GRM7: variants seen among roughly 807,000 people sequenced by gnomAD.
GRM7 encodes the protein metabotropic glutamate receptor 7.
GRM7 carries 35 observed loss-of-function variants against 84.5 expected under a neutral mutation model. That is an observed-to-expected ratio of 0.41 (90% confidence interval 0.32 to 0.55). GRM7 has a LOEUF of 0.55. GRM7 is among the 20% of genes least tolerant of loss of function. The probability of loss-of-function intolerance (pLI) is 0.19; values close to 1 mark genes in which losing one functional copy is unlikely to be tolerated. For synonymous variants in GRM7, 487 were observed against 455.1 expected, an observed-to-expected ratio of 1.07 and a Z score of -0.89; for missense variants, 1,003 against 1,194.6, an observed-to-expected ratio of 0.84 and a Z score of 2.36.
At chr3:7,347,111 C>G (rs1357190565) in intron 4 of GRM7, among the ~76,000 whole-genome samples, 3 of 152,136 alleles carry the variant, frequency 2.0e-5, no homozygotes, top group Admixed American at 2.0e-4. Context: ...ACTTTTCAAT[C>G]AATCCAGGTC....
At chr3:6,998,569 ACTGCC>A (rs1295538074) in intron 1 of GRM7, among the ~76,000 whole-genome samples, 6 of 152,250 alleles carry the variant, frequency 3.9e-5, no homozygotes, top group Non-Finnish European at 8.8e-5. Context: ...TCCCTTCTGC[ACTGCC>A]CTAGCATAAG....
At chr3:7,465,559 T>C (rs553796108) in intron 7 of GRM7, among the ~76,000 whole-genome samples, 2 of 152,274 alleles carry the variant, frequency 1.3e-5, no homozygotes, top group South Asian at 4.2e-4. Flanking sequence ...TGAAGTTCCT[T>C]TTGCTGTAAT....
chr3:7,458,052 A>G (rs1358005262), intron 6 of GRM7, among the ~76,000 whole-genome samples: 1 of 152,216 alleles, frequency 6.6e-6, no homozygotes, highest in Non-Finnish European at 1.5e-5. Flanking sequence ...GAATCTGTGC[A>G]TGGCGTGGTA....
At chr3:7,137,810 G>T (rs1395980318) in intron 1 of GRM7, among the ~76,000 whole-genome samples, 11 of 151,966 alleles carry the variant, frequency 7.2e-5, no homozygotes, top group African/African-American at 2.7e-4. Context: ...TCATTAAGAA[G>T]GAGTGTGAAT....
chr3:7,503,509 A>C (rs1434099540), intron 7 of GRM7, among the ~76,000 whole-genome samples: 1 of 152,042 alleles, frequency 6.6e-6, no homozygotes, highest in East Asian at 1.9e-4. Context: ...CATACCCACT[A>C]TTTGGCACTT....
At chr3:7,208,002 C>T (rs887191445) in intron 2 of GRM7, among the ~76,000 whole-genome samples, 2 of 152,156 alleles carry the variant, frequency 1.3e-5, no homozygotes, top group South Asian at 2.1e-4. Flanking sequence ...GATTCCAGGC[C>T]TTCTATATTT....
intron 5 of GRM7, among the ~76,000 whole-genome samples, chr3:7,429,575 A>G (rs774817212): frequency 6.6e-6 from 1 of 152,032 alleles, no homozygotes; most frequent in Non-Finnish European, 1.5e-5. Context: ...GTGTCATTTG[A>G]TCCTCCCTAC....
chr3:7,368,862 G>T (rs1694017486), intron 4 of GRM7, among the ~76,000 whole-genome samples: 1 of 149,500 alleles, frequency 6.7e-6, no homozygotes, highest in Admixed American at 6.7e-5. Context: ...ACATAATAGT[G>T]GCCTGTTACA....
rs1409553639 is a variant in GRM7, at chr3:7,740,721, G to C, written c.*315G>C. The C allele has an allele frequency of 3.9e-6, 1 of 254,604 alleles. No homozygotes were observed. Among genetic ancestry groups the C allele is most frequent in the African/African-American group, 2.2e-5 (1 of 44,998 alleles). The allele number at this position is 254,604 out of a possible 1,614,324, so 15.8% of individuals were successfully genotyped here. On this transcript the variant is annotated 3_prime_UTR_variant, in exon 10 of 10. Transcript: ENST00000357716. ...ATGGACCACTGAGAGCCACAGGACC[G>C]TTTTGGGGCTGACCTGTCTTATTAC...
At chr3:7,729,919 G>A (rs1702253360) in intron 9 of GRM7, among the ~76,000 whole-genome samples, 1 of 125,142 alleles carries the variant, frequency 8.0e-6, no homozygotes, top group Admixed American at 1.1e-4. Flanking sequence ...CTGTCGCCCA[G>A]GCTGGAGTAC....
At chr3:6,950,497 G>T (rs1021417610) in intron 1 of GRM7, among the ~76,000 whole-genome samples, 1 of 152,234 alleles carries the variant, frequency 6.6e-6, no homozygotes, top group Non-Finnish European at 1.5e-5. Context: ...AGGCTGCTGG[G>T]GGGTCAGGGA....
At chr3:7,658,563 C>T (rs1180261315) in intron 8 of GRM7, among the ~76,000 whole-genome samples, 1 of 152,122 alleles carries the variant, frequency 6.6e-6, no homozygotes, top group Non-Finnish European at 1.5e-5. Context: ...GACTCACAGT[C>T]AATTTTTAGA....
At chr3:7,115,167 T>C (rs763282964) in intron 1 of GRM7, among the ~76,000 whole-genome samples, 3 of 152,178 alleles carry the variant, frequency 2.0e-5, no homozygotes, top group Non-Finnish European at 4.4e-5. Flanking sequence ...GGGTAAGAGA[T>C]GACTTAAATC....
chr3:7,128,132 T>C (rs1483207306), intron 1 of GRM7, among the ~76,000 whole-genome samples: 5 of 151,638 alleles, frequency 3.3e-5, no homozygotes, highest in African/African-American at 9.7e-5. Flanking sequence ...TGTGGGTCCC[T>C]TTACTTTAAA....
At chr3:7,401,553 T>G (rs558685511) in intron 4 of GRM7, among the ~76,000 whole-genome samples, 1 of 152,286 alleles carries the variant, frequency 6.6e-6, no homozygotes, top group South Asian at 2.1e-4. Context: ...TGGCGGCAGA[T>G]TGAAGTTATA....
At chr3:7,191,972 T>C (rs760117414) in intron 2 of GRM7, among the ~76,000 whole-genome samples, 3 of 152,186 alleles carry the variant, frequency 2.0e-5, no homozygotes, top group Non-Finnish European at 2.9e-5. Flanking sequence ...TCAGTATTCT[T>C]AAACTTTACT....
chr3:6,947,846 G>T (rs1442717482), intron 1 of GRM7, among the ~76,000 whole-genome samples: 4 of 152,164 alleles, frequency 2.6e-5, no homozygotes, highest in Admixed American at 6.5e-5. Flanking sequence ...TTGTGTAGAG[G>T]TGTTTATAGT....
chr3:7,474,130 T>G (rs2124927724), intron 7 of GRM7, among the ~76,000 whole-genome samples: 1 of 152,282 alleles, frequency 6.6e-6, no homozygotes, highest in Admixed American at 6.5e-5. Context: ...TATCTGTCTT[T>G]TGTACTATAA....
intron 1 of GRM7, among the ~76,000 whole-genome samples, chr3:6,968,473 G>A (rs1010999059): frequency 2.6e-4 from 40 of 152,284 alleles, no homozygotes; most frequent in African/African-American, 9.1e-4. Context: ...GTTACTATAT[G>A]CATCTGGAAA....
Sources: allele counts gnomAD v4.1 joint callset (sites outside exome capture counted in the v4.1 genomes callset), GRCh38; gene constraint gnomAD v4.1.1; transcripts MANE v1.5; gene names NCBI Gene and HGNC (gene_info 2026-07-23, HGNC 2026-07-21).